ASAP1: variants seen among roughly 807,000 people sequenced by gnomAD.
The protein encoded by ASAP1 is ArfGAP with SH3 domain, ankyrin repeat and PH domain 1, also known as arf-GAP with SH3 domain, ANK repeat and PH domain-containing protein 1.
Under a neutral mutation model 145.2 loss-of-function variants are expected in ASAP1, and 43 were observed. That is an observed-to-expected ratio of 0.30 (90% CI 0.23 to 0.38). ASAP1 has a LOEUF of 0.38. Among genes scored for constraint, ASAP1 ranks in the 10% least tolerant of loss-of-function variants. ASAP1 has a pLI of 1.00. For missense variants in ASAP1, 1,018 were observed against 1,355.3 expected (o/e 0.75, Z 3.91); for synonymous variants, 546 against 515.5 (o/e 1.06, Z -0.80).
At chr8:130,204,402 A>G (rs892728019) in intron 5 of ASAP1, among the ~76,000 whole-genome samples, 14 of 152,166 alleles carry the variant, frequency 9.2e-5, no homozygotes, top group African/African-American at 2.4e-4. Flanking sequence ...TCTGAGATCT[A>G]CTTAATGCTC....
Position 130,430,176 on chromosome 8 carries a change from A to G in ASAP1, c.-28+13284T>C, listed in dbSNP as rs1174046256. 2.6e-5 allele frequency among the ~76,000 whole-genome samples: 4 copies of G among 152,226 alleles called. No individual in the cohort carries two copies. In the East Asian group the frequency reaches 7.7e-4, roughly 29 times the overall value. On this transcript the variant is annotated intron_variant, in intron 1 of 29. Coordinates refer to ENST00000518721, the MANE Select transcript of ASAP1 (RefSeq NM_018482.4). ...GCAAAAGAGAGATTGTCAAACTCTC[A>G]GCTAAAAAGGAACAAAGGAATAATT... is the stretch of plus-strand genomic sequence containing the variant.
At chr8:130,338,072 A>G (rs1405476545) in intron 3 of ASAP1, among the ~76,000 whole-genome samples, 2 of 152,196 alleles carry the variant, frequency 1.3e-5, no homozygotes, top group Admixed American at 6.5e-5. Context: ...TAGATCACAT[A>G]TTTGGGCACT....
At chr8:130,181,426 G>C (rs1247840130) in intron 7 of ASAP1, among the ~76,000 whole-genome samples, 1 of 152,164 alleles carries the variant, frequency 6.6e-6, no homozygotes, top group Non-Finnish European at 1.5e-5. Flanking sequence ...GGAGACATGA[G>C]GCTTTCCTTG....
At chr8:130,284,018 T>C (rs1821436593) in intron 3 of ASAP1, among the ~76,000 whole-genome samples, 1 of 152,158 alleles carries the variant, frequency 6.6e-6, no homozygotes, top group Non-Finnish European at 1.5e-5. Context: ...GAGGACTGGG[T>C]ATGTGATGAG....
At chr8:130,207,362 G>C (rs1816293810) in intron 5 of ASAP1, among the ~76,000 whole-genome samples, 1 of 152,160 alleles carries the variant, frequency 6.6e-6, no homozygotes, top group Non-Finnish European at 1.5e-5. Flanking sequence ...GTCATTATCT[G>C]TTAAGTACAT....
Position 130,326,595 on chromosome 8 carries a change from G to A in ASAP1, c.186+31422C>T, listed in dbSNP as rs569217054. Among the ~76,000 whole-genome samples the A allele has an allele frequency of 2.6e-5, 4 of 152,294 alleles. No homozygotes were observed. The East Asian group carries it at 7.7e-4, about 29-fold the overall frequency. ...AAAAAGCTTAAACAGCTCGCTCCACGCTAGTCAAAGAATATTAACAGGGTG... is the reference window on the plus strand; with the variant it reads ...AAAAAGCTTAAACAGCTCGCTCCACACTAGTCAAAGAATATTAACAGGGTG... On this transcript the variant is annotated intron_variant, in intron 3 of 29. Coordinates refer to ENST00000518721, the MANE Select transcript of ASAP1 (RefSeq NM_018482.4).
intron 26 of ASAP1, among the ~76,000 whole-genome samples, chr8:130,077,546 T>C (rs1564933105): frequency 7.1e-6 from 1 of 141,384 alleles, no homozygotes; most frequent in Non-Finnish European, 1.5e-5. Context: ...GCTTTTTTTT[T>C]TTTTTTTTTT....
At chr8:130,251,981 C>A (rs1170433238) in intron 3 of ASAP1, among the ~76,000 whole-genome samples, 1 of 152,100 alleles carries the variant, frequency 6.6e-6, no homozygotes, top group Non-Finnish European at 1.5e-5. Context: ...TAAATCCAGT[C>A]CTGATAATTC....
intron 24 of ASAP1, among the ~76,000 whole-genome samples, chr8:130,109,506 C>A (rs530446909): frequency 9.9e-5 from 15 of 152,154 alleles, no homozygotes; most frequent in African/African-American, 3.6e-4. Flanking sequence ...GTCCTTCAGA[C>A]CCCTAAATTC....
chr8:130,261,317 A>G (rs907994541), intron 3 of ASAP1, among the ~76,000 whole-genome samples: 1 of 152,238 alleles, frequency 6.6e-6, no homozygotes, highest in African/African-American at 2.4e-5. Flanking sequence ...AAGCACCCAG[A>G]TATGTAAGCC....
chr8:130,058,223 T>A (rs920525589), intron 28 of ASAP1, 147 bp from the exon 29 acceptor site: 12 of 832,270 alleles, frequency 1.4e-5, no homozygotes, highest in Admixed American at 4.5e-5. Context: ...GGAAGAAGAG[T>A]GTCTGTCAGG....
intron 9 of ASAP1, 65 bp downstream of exon 9, chr8:130,179,199 G>C: frequency 9.9e-7 from 1 of 1,008,896 alleles, no homozygotes; most frequent in Non-Finnish European, 1.5e-6. Context: ...AGAGGATTAA[G>C]ACAAATAATG....
At chr8:130,057,369 A>C (rs1592705297) in intron 29 of ASAP1, among the ~76,000 whole-genome samples, 1 of 152,252 alleles carries the variant, frequency 6.6e-6, no homozygotes, top group South Asian at 2.1e-4. Context: ...GAAAATGCCT[A>C]CAACTCACAA....
chr8:130,241,789 T>C (rs1263950510), intron 3 of ASAP1, among the ~76,000 whole-genome samples: 4 of 152,166 alleles, frequency 2.6e-5, no homozygotes, highest in Non-Finnish European at 1.5e-5. Context: ...AAAAATATTT[T>C]ATTGAAATAT....
chr8:130,203,274 A>G (rs1815986373), intron 5 of ASAP1, among the ~76,000 whole-genome samples: 1 of 152,226 alleles, frequency 6.6e-6, no homozygotes, highest in Non-Finnish European at 1.5e-5. Context: ...CTCCCAGGCA[A>G]GAAGATGCCA....
Position 130,213,846 on chromosome 8 carries a change from A to T in ASAP1, c.405+710T>A, listed in dbSNP as rs10091313. On this transcript the variant is annotated intron_variant, in intron 5 of 29. Transcript: ENST00000518721. ...GAACCTTTCTAAGTGTGCACATGGT[A>T]TGAGGGCTGGGGAGGGGGTTGCAGC... is the stretch of plus-strand genomic sequence containing the variant. Among the ~76,000 whole-genome samples the T allele has an allele frequency of 7.4e-4, 113 of 152,026 alleles. 1 individual carries two copies. The highest frequency in any genetic ancestry group is 2.3e-3 in the African/African-American group (96 of 41,472).
chr8:130,319,497 T>C (rs1258105681), intron 3 of ASAP1, among the ~76,000 whole-genome samples: 1 of 152,036 alleles, frequency 6.6e-6, no homozygotes, highest in Admixed American at 6.5e-5. Context: ...ATGGGAACAC[T>C]GAGTGGCACA....
chr8:130,067,251 G>A (rs1475747847), intron 27 of ASAP1, among the ~76,000 whole-genome samples: 1 of 152,122 alleles, frequency 6.6e-6, no homozygotes, highest in African/African-American at 2.4e-5. Flanking sequence ...AGAAATGTTG[G>A]GTGACCCATA....
intron 2 of ASAP1, among the ~76,000 whole-genome samples, chr8:130,385,458 G>GA (rs1827968994): frequency 6.6e-6 from 1 of 152,246 alleles, no homozygotes; most frequent in Non-Finnish European, 1.5e-5. Context: ...TCTCCATGGG[G>GA]AGATGCTGGG....
Sources: allele counts gnomAD v4.1 joint callset (sites outside exome capture counted in the v4.1 genomes callset), GRCh38; gene constraint gnomAD v4.1.1; transcripts MANE v1.5; gene names NCBI Gene and HGNC (gene_info 2026-07-23, HGNC 2026-07-21).